Variants in ROR1 observed in about 807,000 individuals in gnomAD.
The protein encoded by ROR1 is ROR family WNT receptor 1, also known as inactive tyrosine-protein kinase transmembrane receptor ROR1.
ROR1 carries 19 observed loss-of-function variants against 78.8 expected under a neutral mutation model. That is an observed-to-expected ratio of 0.24 (90% CI 0.17 to 0.35). The LOEUF (loss-of-function observed/expected upper bound fraction) is 0.35. Ranked by LOEUF, ROR1 falls within the 10% of genes least tolerant of loss-of-function variation. The probability of loss-of-function intolerance (pLI) is 1.00; values close to 1 mark genes in which losing one functional copy is unlikely to be tolerated. For synonymous variants in ROR1, 386 were observed against 433.6 expected, an observed-to-expected ratio of 0.89 and a Z score of 1.36; for missense variants, 917 against 1,177.8, an observed-to-expected ratio of 0.78 and a Z score of 3.24.
In ROR1 at chr1:63,815,478, C is replaced by CTTTTCTTTTTTTTTTTT; in HGVS notation, c.91+40974_91+40975insCTTTTTTTTTTTTTTTT. Among the ~76,000 whole-genome samples the CTTTTCTTTTTTTTTTTT allele has an allele frequency of 2.9e-5, 3 of 103,466 alleles. 1 individual carries two copies. The highest frequency in any genetic ancestry group is 3.0e-4 in the South Asian group (1 of 3,290). The allele number at this position is 103,466 out of a possible 152,430, so 67.9% of individuals were successfully genotyped here. A position where few individuals can be genotyped will look rare whatever the true frequency, so the allele number is the denominator to read the frequency against. On this transcript the variant is annotated intron_variant, in intron 1 of 8. Coordinates refer to ENST00000371079, the MANE Select transcript of ROR1 (RefSeq NM_005012.4). ...TTTTCTTTTTCTTTTCTTTTCTTTT[C>CTTTTCTTTTTTTTTTTT]TTTTTCTTTTTTTTTTTTTTTTGAG...
intron 1 of ROR1, among the ~76,000 whole-genome samples, chr1:63,830,506 T>A (rs555885534): frequency 6.6e-6 from 1 of 152,230 alleles, no homozygotes; most frequent in South Asian, 2.1e-4. Context: ...GAAGTGCCAC[T>A]TTTAAACCAT....
chr1:63,889,508 A>G (rs1645379765), intron 1 of ROR1, among the ~76,000 whole-genome samples: 1 of 152,134 alleles, frequency 6.6e-6, no homozygotes, highest in African/African-American at 2.4e-5. Context: ...TGAATACCCA[A>G]TGCAGAGAGT....
At chr1:64,073,467 TG>T (rs1647024005) in intron 4 of ROR1, among the ~76,000 whole-genome samples, 1 of 152,222 alleles carries the variant, frequency 6.6e-6, no homozygotes, top group Non-Finnish European at 1.5e-5. Flanking sequence ...TTTTGAAGAC[TG>T]GGCCCTAAGA....
intron 1 of ROR1, among the ~76,000 whole-genome samples, chr1:63,993,528 C>T (rs1260932979): frequency 6.6e-6 from 1 of 152,164 alleles, no homozygotes; most frequent in Non-Finnish European, 1.5e-5. Flanking sequence ...AGTATGCATA[C>T]ATAATGCATA....
chr1:63,905,382 A>G (rs1013831488), intron 1 of ROR1, among the ~76,000 whole-genome samples: 7 of 152,174 alleles, frequency 4.6e-5, no homozygotes, highest in Non-Finnish European at 7.4e-5. Context: ...ACAGACCTTA[A>G]TATACCCAGG....
chr1:63,797,857 CTTT>C (rs57125292), intron 1 of ROR1, among the ~76,000 whole-genome samples: 1 of 140,034 alleles, frequency 7.1e-6, no homozygotes, highest in African/African-American at 2.6e-5. Context: ...GTAGTCTTGT[CTTT>C]TTTTTTTTTT....
At chr1:63,864,144 C>A (rs1238780997) in intron 1 of ROR1, among the ~76,000 whole-genome samples, 2 of 152,130 alleles carry the variant, frequency 1.3e-5, no homozygotes, top group Non-Finnish European at 2.9e-5. Context: ...AGAGATAAGA[C>A]AACCGAGGTA....
chr1:63,797,857 CT>C (rs57125292), intron 1 of ROR1, among the ~76,000 whole-genome samples: 12,307 of 139,932 alleles, frequency 0.088, 1,604 homozygotes, highest in African/African-American at 0.29. Context: ...GTAGTCTTGT[CT>C]TTTTTTTTTT....
intron 2 of ROR1, among the ~76,000 whole-genome samples, chr1:64,031,904 GAA>G (rs1646662976): frequency 6.6e-6 from 1 of 151,842 alleles, no homozygotes; most frequent in South Asian, 2.1e-4. Context: ...CTTGTGCTAT[GAA>G]ACTCTTTTTT....
At chr1:63,910,698 T>C (rs763819693) in intron 1 of ROR1, among the ~76,000 whole-genome samples, 1 of 152,156 alleles carries the variant, frequency 6.6e-6, no homozygotes, top group Non-Finnish European at 1.5e-5. Context: ...GTCCTCTAGA[T>C]ACTAAGTCAT....
chr1:63,981,310 C>T (rs1171289618), intron 1 of ROR1, among the ~76,000 whole-genome samples: 1 of 152,104 alleles, frequency 6.6e-6, no homozygotes, highest in Non-Finnish European at 1.5e-5. Flanking sequence ...TCAGCTCCTG[C>T]CCTGTCCTCA....
At position 64,178,439 on chromosome 1, in the gene ROR1, G is replaced by C. The variant is rs199711517; in HGVS notation, c.2398G>C (p.Gly800Arg). Reference sequence around the variant, plus strand: ...CCCGAGCCAGGGTATTACACCACAGGGCCAGATTGCTGGTTTCATTGGCCC... The same window carrying C: ...CCCGAGCCAGGGTATTACACCACAGCGCCAGATTGCTGGTTTCATTGGCCC... The part of the protein sequence containing the change: ...MFPSQGITPQ[G>R]QIAGFIGPPI... Residue 800 changes from glycine (G) to arginine (R), a missense_variant, in exon 9 of 9, where the codon GGC becomes CGC. Physicochemically the swap from Gly to Arg is moderately radical, Grantham distance 125. Around this residue, in one of 3 missense-constraint regions of ROR1, gnomAD observed 835 missense variants for 1,069.8 expected, o/e 0.78. Coordinates refer to ENST00000371079, the MANE Select transcript of ROR1 (RefSeq NM_005012.4). This position sits in a 1 kb window ranked among gnomAD's most constrained non-coding sequence, Gnocchi z 4.3. 6.2e-7 allele frequency: 1 copy of C among 1,614,148 alleles called. No individual in the cohort carries two copies. The highest frequency in any genetic ancestry group is 8.5e-7 in the Non-Finnish European group (1 of 1,180,034).
At chr1:64,062,432 C>A (rs1044977009) in intron 4 of ROR1, among the ~76,000 whole-genome samples, 27 of 152,320 alleles carry the variant, frequency 1.8e-4, no homozygotes, top group Middle Eastern at 3.4e-3. Context: ...CTGCCTCAGC[C>A]TCCCGGGTAG....
chr1:64,127,532 C>T (rs371321413), intron 4 of ROR1, among the ~76,000 whole-genome samples: 7 of 151,038 alleles, frequency 4.6e-5, no homozygotes, highest in South Asian at 2.1e-4. Context: ...GTCTCTCTCT[C>T]CTCTTTCTCT....
intron 1 of ROR1, among the ~76,000 whole-genome samples, chr1:63,945,033 T>C (rs1645873202): frequency 6.6e-6 from 1 of 152,152 alleles, no homozygotes; most frequent in East Asian, 1.9e-4. Flanking sequence ...TTTGGTAATT[T>C]TTTATATCCC....
In ROR1 at chr1:63,974,862, G is replaced by T. The variant is rs115344218; in HGVS notation, c.92-34443G>T. Among the ~76,000 whole-genome samples, 353 of 152,220 alleles carry T rather than the reference G, an allele frequency of 2.3e-3. 1 individual carries two copies. The highest frequency in any genetic ancestry group is 8.1e-3 in the African/African-American group (336 of 41,526). Reference sequence around the variant, plus strand: ...TTATGTTTTCACTACATTTACTGAGGTATGAGGGGGACAGTGCAGAACTTG... The same window carrying T: ...TTATGTTTTCACTACATTTACTGAGTTATGAGGGGGACAGTGCAGAACTTG... On this transcript the variant is annotated intron_variant, in intron 1 of 8. Transcript: ENST00000371079.
At chr1:63,839,505 T>C (rs1268957400) in intron 1 of ROR1, among the ~76,000 whole-genome samples, 1 of 151,992 alleles carries the variant, frequency 6.6e-6, no homozygotes, top group Non-Finnish European at 1.5e-5. Context: ...ACATTGAACT[T>C]TTTTTTTGTT....
chr1:63,850,062 G>A (rs1396846554), intron 1 of ROR1, among the ~76,000 whole-genome samples: 1 of 152,120 alleles, frequency 6.6e-6, no homozygotes, highest in Non-Finnish European at 1.5e-5. Flanking sequence ...TGCTCTCTGT[G>A]CATAAATGCA....
At chr1:63,896,478 A>G (rs138577900) in intron 1 of ROR1, among the ~76,000 whole-genome samples, 33 of 152,288 alleles carry the variant, frequency 2.2e-4, no homozygotes, top group Non-Finnish European at 1.6e-4. Flanking sequence ...CTTGGTAGAC[A>G]CTAAAGAATG....
Sources: allele counts gnomAD v4.1 joint callset (sites outside exome capture counted in the v4.1 genomes callset), GRCh38; gene constraint gnomAD v4.1.1; regional missense constraint gnomAD v4.1.1; non-coding constraint Gnocchi (gnomAD v3.1); transcripts MANE v1.5; gene names NCBI Gene and HGNC (gene_info 2026-07-23, HGNC 2026-07-21).